Variants in BICRA observed in about 807,000 individuals in gnomAD.
BICRA encodes the protein BRD4 interacting chromatin remodeling complex associated protein.
BICRA carries 31 observed loss-of-function variants against 96.9 expected under a neutral mutation model. The ratio of observed to expected loss-of-function variants is 0.32; its 90% CI spans 0.24 to 0.43. BICRA has a LOEUF of 0.43. Ranked by LOEUF, BICRA falls within the 20% of genes least tolerant of loss-of-function variation. The pLI is 1.00. For synonymous variants in BICRA, 1,350 were observed against 1,071.8 expected, an observed-to-expected ratio of 1.26 and a Z score of -5.07; for missense variants, 2,283 against 2,190.3, an observed-to-expected ratio of 1.04 and a Z score of -0.84.
rs764339230 is a variant in BICRA at position 47,702,278 on chromosome 19, G to C, written c.4546G>C (p.Gly1516Arg). The C allele has an allele frequency of 6.3e-7, 1 of 1,594,808 alleles. No homozygotes were observed. The highest frequency in any genetic ancestry group is 1.4e-5 in the African/African-American group (1 of 73,968). The change falls in exon 15 of 15, where the codon GGC becomes CGC. Residue 1516 changes from glycine (G) to arginine (R), a missense_variant. Coordinates refer to ENST00000594866, the MANE Select transcript of BICRA (RefSeq NM_001394372.1). ...DSILNLQQAP[G>R]RTPAPSYPHA... ...CATCCTGAACCTGCAGCAGGCCCCC[G>C]GCCGGACGCCCGCGCCCTCGTACCC...
intron 7 of BICRA, among the ~76,000 whole-genome samples, chr19:47,692,543 C>A (rs1973257098): frequency 6.6e-6 from 1 of 152,180 alleles, no homozygotes; most frequent in Admixed American, 6.6e-5. Context: ...TATTCTTCAT[C>A]ACAGATTCCT....
chr19:47,632,528 A>G (rs1972235767), intron 1 of BICRA, among the ~76,000 whole-genome samples: 1 of 152,184 alleles, frequency 6.6e-6, no homozygotes, highest in African/African-American at 2.4e-5. Context: ...AGCTGGCTGC[A>G]TCCGATGGTC....
chr19:47,649,332 G>A (rs745458214), intron 1 of BICRA, among the ~76,000 whole-genome samples: 25 of 152,088 alleles, frequency 1.6e-4, no homozygotes, highest in African/African-American at 3.6e-4. Flanking sequence ...ATTTGTGAGC[G>A]CTGTTATATG....
chr19:47,672,111 GGATGGA>G (rs1256460645), intron 2 of BICRA, among the ~76,000 whole-genome samples: 6 of 138,660 alleles, frequency 4.3e-5, no homozygotes, highest in African/African-American at 1.7e-4. Flanking sequence ...ATGGATGGAA[GGATGGA>G]GGATGGGTAG....
At position 47,681,152 on chromosome 19, in the gene BICRA, C is replaced by T. The variant is rs1390394829; in HGVS notation, c.1982C>T (p.Ala661Val). The change falls in exon 6 of 15, where the codon GCC becomes GTC. Residue 661 changes from alanine (A) to valine (V), a missense_variant. By Grantham distance (64) the Ala-to-Val change is moderately conservative. Transcript: ENST00000594866. ...PTPQAAAPPQ[A>V]TTPQPSPGLA... ...CCACAGGCCGCCGCCCCGCCTCAGG[C>T]CACCACCCCCCAGCCCAGCCCTGGC... 11 of 1,514,630 alleles carry T rather than the reference C, an allele frequency of 7.3e-6. No homozygotes were observed. Among genetic ancestry groups the T allele is most frequent in the Non-Finnish European group, 9.7e-6 (11 of 1,129,564 alleles). 93.8% of individuals were successfully genotyped at this position (1,514,630 alleles called of 1,614,324 possible).
At chr19:47,634,050 C>G (rs1004308238) in intron 1 of BICRA, among the ~76,000 whole-genome samples, 2 of 152,234 alleles carry the variant, frequency 1.3e-5, no homozygotes, top group Admixed American at 1.3e-4. Flanking sequence ...TCCCCCTCTT[C>G]ATACATCCCA....
Position 47,680,109 on chromosome 19 carries a change from C to G in BICRA, c.939C>G (p.Ala313=). 1 of 1,538,842 alleles carries G rather than the reference C, an allele frequency of 6.5e-7. No homozygotes were observed. Among genetic ancestry groups the G allele is most frequent in the Non-Finnish European group, 8.7e-7 (1 of 1,154,546 alleles). The change falls in exon 6 of 15, where the codon GCC becomes GCG. Residue 313 remains alanine (A), a synonymous_variant. Transcript: ENST00000594866. ...CTGTGTTCGGAGGCGCGGGGGCCGC[C>G]TCGGCTCCCACCGGGACGCCCTCGG... ...GNSVFGGAGA[A]SAPTGTPSGQ... is the part of the protein sequence containing the mutation.
At chr19:47,617,449 C>T (rs139444342) in intron 1 of BICRA, among the ~76,000 whole-genome samples, 3,940 of 152,098 alleles carry the variant, frequency 0.026, 76 homozygotes, top group South Asian at 0.035. Flanking sequence ...CTGCAACCTC[C>T]GCCTCCCAGG....
Position 47,701,959 on chromosome 19 carries a change from A to G in BICRA, c.4227A>G (p.Ala1409=), listed in dbSNP as rs1336528534. The G allele has an allele frequency of 6.9e-7, 1 of 1,456,766 alleles. No individual in the cohort carries two copies. Among genetic ancestry groups the G allele is most frequent in the African/African-American group, 1.5e-5 (1 of 66,804 alleles). The allele number at this position is 1,456,766 out of a possible 1,614,324, so 90.2% of individuals were successfully genotyped here. A position where few individuals can be genotyped will look rare whatever the true frequency, so the allele number is the denominator to read the frequency against. ...GAPEGTPAGR[A]RGGSPAPLPA... Reference sequence around the variant, plus strand: ...CGGAGGGGACGCCCGCAGGCAGGGCACGGGGAGGCAGCCCGGCGCCGCTGC... The same window carrying G: ...CGGAGGGGACGCCCGCAGGCAGGGCGCGGGGAGGCAGCCCGGCGCCGCTGC... Residue 1409 remains alanine (A), a synonymous_variant, in exon 15 of 15, where the codon GCA becomes GCG. Transcript: ENST00000594866. This position sits in a 1 kb window ranked among gnomAD's most constrained non-coding sequence, Gnocchi z 5.4.
At position 47,699,475 on chromosome 19, in the gene BICRA, T is replaced by A. The variant is rs1973407274; in HGVS notation, c.3595+70T>A. 6.6e-6 allele frequency: 6 copies of A among 902,518 alleles called. No homozygotes were observed. Among genetic ancestry groups the A allele is most frequent in the South Asian group, 4.3e-5 (3 of 70,036 alleles). 55.9% of individuals were successfully genotyped at this position (902,518 alleles called of 1,614,324 possible). ...ACCCCACCTGGGCAGAAGAGTTAGA[T>A]TCAGGGCGGGGAGTGGGTGTGTGGC... On this transcript the variant is annotated intron_variant, in intron 14 of 14. Coordinates refer to ENST00000594866, the MANE Select transcript of BICRA (RefSeq NM_001394372.1). This position sits in a 1 kb window ranked among gnomAD's most constrained non-coding sequence, Gnocchi z 5.0.
chr19:47,679,300 C>G, intron 5 of BICRA, 21 bp from the exon 6 acceptor site: 3 of 1,417,504 alleles, frequency 2.1e-6, no homozygotes, highest in Non-Finnish European at 2.8e-6. Context: ...CTCTTTCCTT[C>G]CCACCTTTCC....
At chr19:47,683,176 A>G (rs934719390) in intron 7 of BICRA, among the ~76,000 whole-genome samples, 3 of 152,172 alleles carry the variant, frequency 2.0e-5, no homozygotes, top group Non-Finnish European at 2.9e-5. Flanking sequence ...CTAAAGGCAT[A>G]TGCATTTTTA....
chr19:47,681,025 C>G lies in BICRA; in HGVS notation c.1855C>G (p.Leu619Val), dbSNP rs773692212. ...TGCCACCGGGGAGGCCGCGCCTGTCCTCACGGTGCAGCCTGCCCCCCAGGC... is the reference window on the plus strand; with the variant it reads ...TGCCACCGGGGAGGCCGCGCCTGTCGTCACGGTGCAGCCTGCCCCCCAGGC... Reference protein sequence around the residue: ...AAATGEAAPVLTVQPAPQAPP... With the variant: ...AAATGEAAPVVTVQPAPQAPP... The change falls in exon 6 of 15, where the codon CTC (leucine) becomes GTC (valine). Residue 619 changes from leucine to valine, a missense_variant. By Grantham distance (32) the Leu-to-Val change is conservative. Transcript: ENST00000594866. The G allele has an allele frequency of 1.4e-6, 2 of 1,443,006 alleles. No homozygotes were observed. Among genetic ancestry groups the G allele is most frequent in the Non-Finnish European group, 1.8e-6 (2 of 1,107,142 alleles). The allele number at this position is 1,443,006 out of a possible 1,614,324, so 89.4% of individuals were successfully genotyped here.
In BICRA at chr19:47,701,441, C is replaced by A. The variant is rs748905486; in HGVS notation, c.3709C>A (p.Gln1237Lys). 1 of 1,572,198 alleles carries A rather than the reference C, an allele frequency of 6.4e-7. No individual in the cohort carries two copies. Among genetic ancestry groups the A allele is most frequent in the Non-Finnish European group, 8.6e-7 (1 of 1,159,852 alleles). ...LSSSAPGAST[Q>K]PPPHLPTKLV... The stretch of plus-strand genomic sequence containing the variant: ...GTCTTCAGCTCCCGGGGCCTCCACC[C>A]AGCCCCCTCCACACCTGCCCACCAA... The change falls in exon 15 of 15, where the codon CAG (glutamine) becomes AAG (lysine). Residue 1237 changes from glutamine (Q) to lysine (K), a missense_variant. Coordinates refer to ENST00000594866, the MANE Select transcript of BICRA (RefSeq NM_001394372.1). The surrounding 1 kb of genome is among the most constrained non-coding windows in gnomAD (Gnocchi z 5.4).
Position 47,680,345 on chromosome 19 carries a change from A to G in BICRA, c.1175A>G (p.Lys392Arg). 1 of 1,531,162 alleles carries G rather than the reference A, an allele frequency of 6.5e-7. No individual in the cohort carries two copies. Among genetic ancestry groups the G allele is most frequent in the Non-Finnish European group, 8.7e-7 (1 of 1,144,870 alleles). 94.8% of individuals were successfully genotyped at this position (1,531,162 alleles called of 1,614,324 possible). The change falls in exon 6 of 15, where the codon AAG becomes AGG. Residue 392 changes from lysine to arginine, a missense_variant. Physicochemically the swap from Lys to Arg is conservative, Grantham distance 26 (BLOSUM62 2). Transcript: ENST00000594866. ...GEPGALPQQP[K>R]APQNLTFMAA... ...CCGGGGGCGCTCCCGCAGCAGCCCA[A>G]GGCCCCGCAGAACCTGACGTTCATG...
At position 47,702,082 on chromosome 19, in the gene BICRA, G is replaced by T. The variant is rs1354151238; in HGVS notation, c.4350G>T (p.Glu1450Asp). ...YQRMLKGPPP[E>D]PAASAAQGTG... The stretch of plus-strand genomic sequence containing the variant: ...GTATGCTGAAGGGCCCCCCGCCAGA[G>T]CCCGCAGCCAGCGCCGCCCAAGGCA... Residue 1450 changes from glutamate (E) to aspartate (D), a missense_variant, in exon 15 of 15, where the codon GAG becomes GAT. Glu to Asp is a conservative substitution (Grantham distance 45, BLOSUM62 2). Transcript: ENST00000594866. The T allele has an allele frequency of 4.6e-6, 7 of 1,513,136 alleles. No homozygotes were observed. In the African/African-American group the frequency reaches 7.2e-5, roughly 15 times the overall value. 93.7% of individuals were successfully genotyped at this position (1,513,136 alleles called of 1,614,324 possible).
chr19:47,659,215 A>G (rs1355099651), intron 1 of BICRA, among the ~76,000 whole-genome samples: 1 of 152,220 alleles, frequency 6.6e-6, no homozygotes, highest in Non-Finnish European at 1.5e-5. Context: ...TGAGCAATCT[A>G]AGCTTTATGG....
At chr19:47,650,896 C>T (rs1168977093) in intron 1 of BICRA, among the ~76,000 whole-genome samples, 1 of 152,166 alleles carries the variant, frequency 6.6e-6, no homozygotes, top group Non-Finnish European at 1.5e-5. Context: ...CAGCCTGACA[C>T]CATCTGCCCG....
At chr19:47,658,648 A>AT (rs1011499769) in intron 1 of BICRA, among the ~76,000 whole-genome samples, 16 of 140,932 alleles carry the variant, frequency 1.1e-4, no homozygotes, top group African/African-American at 4.1e-4. Context: ...AAAAAAAAAA[A>AT]AAAAAGCAGC....
Sources: allele counts gnomAD v4.1 joint callset (sites outside exome capture counted in the v4.1 genomes callset), GRCh38; gene constraint gnomAD v4.1.1; non-coding constraint Gnocchi (gnomAD v3.1); transcripts MANE v1.5; gene names NCBI Gene and HGNC (gene_info 2026-07-23, HGNC 2026-07-21).